Variants in BTN2A2 observed in about 807,000 individuals in gnomAD.
The protein encoded by BTN2A2 is butyrophilin subfamily 2 member A2.
In BTN2A2, 29 loss-of-function variants were observed where a neutral mutation model predicts 34.7. The observed-to-expected ratio is 0.84, with a 90% CI of 0.62 to 1.14. The LOEUF is 1.14. Ranked by LOEUF, BTN2A2 falls within the 50% of genes most tolerant of loss-of-function variation. The pLI is 0.00. For missense variants in BTN2A2, 612 were observed against 651.5 expected (o/e 0.94, Z 0.66); for synonymous variants, 240 against 253.1 (o/e 0.95, Z 0.49).
intron 3 of BTN2A2, among the ~76,000 whole-genome samples, chr6:26,387,700 A>C (rs1761296358): frequency 6.6e-6 from 1 of 152,180 alleles, no homozygotes; most frequent in South Asian, 2.1e-4. Context: ...AGAAAGTGAA[A>C]TTCTCAACCT....
At chr6:26,388,834 G>A (rs1227798445) in intron 4 of BTN2A2, among the ~76,000 whole-genome samples, 3 of 152,186 alleles carry the variant, frequency 2.0e-5, no homozygotes, top group Non-Finnish European at 2.9e-5. Flanking sequence ...TCTAGAGAGA[G>A]ACAGCGGCCG....
intron 3 of BTN2A2, 151 bp downstream of exon 3, chr6:26,385,513 C>A: frequency 1.4e-6 from 1 of 701,944 alleles, no homozygotes; most frequent in Non-Finnish European, 2.3e-6. Context: ...ACAAAGGCCA[C>A]ATGAGTGGGT....
chr6:26,386,392 G>A (rs1023916523), intron 3 of BTN2A2, among the ~76,000 whole-genome samples: 1 of 152,222 alleles, frequency 6.6e-6, no homozygotes, highest in East Asian at 1.9e-4. Context: ...ATAATTCGTG[G>A]TGACATTTCA....
In BTN2A2 at chr6:26,383,117, T is replaced by C. The variant is rs1262482916; in HGVS notation, c.-95T>C. 1 of 152,356 alleles carries C rather than the reference T, an allele frequency of 6.6e-6. No individual in the cohort carries two copies. Among genetic ancestry groups the C allele is most frequent in the Non-Finnish European group, 1.5e-5 (1 of 68,172 alleles). 9.4% of individuals were successfully genotyped at this position (152,356 alleles called of 1,614,324 possible). A position where few individuals can be genotyped will look rare whatever the true frequency, so the allele number is the denominator to read the frequency against. ...GCTCAGTGGAAATCTTGGGACTTTT[T>C]GGACACCCAGAGAACAGGTCCCAGA... is the stretch of plus-strand genomic sequence containing the variant. On this transcript the variant is annotated 5_prime_UTR_variant, in exon 1 of 8. Transcript: ENST00000356709. The surrounding 1 kb of genome is among the most constrained non-coding windows in gnomAD (Gnocchi z 4.4).
In BTN2A2 at chr6:26,393,692, G is replaced by A. The variant is rs1761739348; in HGVS notation, c.*725G>A. 1.8e-5 allele frequency: 18 copies of A among 990,896 alleles called. No homozygotes were observed. Among genetic ancestry groups the A allele is most frequent in the African/African-American group, 1.7e-4 (10 of 57,368 alleles). The allele number at this position is 990,896 out of a possible 1,614,324, so 61.4% of individuals were successfully genotyped here. The stretch of plus-strand genomic sequence containing the variant: ...AGTGTGGTTGAGGTTTGAGGTCCTG[G>A]TCGAGCAGGGCAGTACTGGACCAGG... On this transcript the variant is annotated 3_prime_UTR_variant, in exon 8 of 8. Transcript: ENST00000356709.
rs1355140106 is a variant in BTN2A2 at position 26,390,165 on chromosome 6, T to G, written c.885T>G (p.Ile295Met). ...CIKKLQREKK[I>M]LSGEKKVEQE... ...AGAAACTTCAAAGGGAAAAAAAGAT[T>G]CTGTCAGGGGAAAAGAAAGTTGAAC... is the stretch of plus-strand genomic sequence containing the variant. The change falls in exon 5 of 8, where the codon ATT becomes ATG. Residue 295 changes from isoleucine to methionine, a missense_variant. Transcript: ENST00000356709. 2 of 1,613,984 alleles carry G rather than the reference T, an allele frequency of 1.2e-6. No individual in the cohort carries two copies. The highest frequency in any genetic ancestry group is 1.7e-6 in the Non-Finnish European group (2 of 1,180,024).
intron 3 of BTN2A2, among the ~76,000 whole-genome samples, chr6:26,386,075 T>C (rs1761185056): frequency 6.6e-6 from 1 of 152,214 alleles, no homozygotes; most frequent in African/African-American, 2.4e-5. Flanking sequence ...AATATTAATC[T>C]TGACATTTTC....
chr6:26,388,758 A>G (rs777935124), intron 4 of BTN2A2, among the ~76,000 whole-genome samples: 1 of 152,236 alleles, frequency 6.6e-6, no homozygotes, highest in Non-Finnish European at 1.5e-5. Context: ...TTAAGACTGT[A>G]CAGGAAACCA....
chr6:26,389,972 A>G, intron 4 of BTN2A2, 33 bp from the exon 5 acceptor site: 1 of 1,605,162 alleles, frequency 6.2e-7, no homozygotes, highest in Non-Finnish European at 8.5e-7. Context: ...GTTCTATTTC[A>G]AACTAAATGG....
Position 26,388,302 on chromosome 6 carries a change from C to A in BTN2A2, c.724+8C>A, listed in dbSNP as rs777485258. The A allele has an allele frequency of 3.1e-6, 5 of 1,613,622 alleles. No homozygotes were observed. The highest frequency in any genetic ancestry group is 3.4e-6 in the Non-Finnish European group (4 of 1,179,644). On this transcript the variant is annotated splice_region_variant and intron_variant, in intron 4 of 7. Transcript: ENST00000356709. ...CTGTCATTTTTATTCCAGGTTAGTT[C>A]TCTGCCCTCTGAGACCTATCAAGTG...
At position 26,392,658 on chromosome 6, in the gene BTN2A2, G is replaced by T; in HGVS notation, c.1263G>T (p.Glu421Asp). The T allele has an allele frequency of 6.2e-7, 1 of 1,614,224 alleles. No individual in the cohort carries two copies. Residue 421 changes from glutamate to aspartate, a missense_variant, in exon 8 of 8, where the codon GAG (glutamate) becomes GAT (aspartate). Coordinates refer to ENST00000356709, the MANE Select transcript of BTN2A2 (RefSeq NM_006995.5). ...LIPQNGFWTL[E>D]MFGNQYRALS... ...CTCAGAATGGCTTCTGGACCCTGGA[G>T]ATGTTTGGAAACCAATACCGGGCCC... is the stretch of plus-strand genomic sequence containing the variant.
rs62617839 is a variant in BTN2A2 at position 26,388,177 on chromosome 6, G to C, written c.607G>C (p.Gly203Arg). ...GGAGGTTTCCATCGCTGATGCTGAC[G>C]GCCTCTTCATGGTCACCACAGCTGT... is the stretch of plus-strand genomic sequence containing the variant. ...LKEVSIADAD[G>R]LFMVTTAVII... The change falls in exon 4 of 8, where the codon GGC (glycine) becomes CGC (arginine). Residue 203 changes from glycine (G) to arginine (R), a missense_variant. Gly to Arg is a moderately radical substitution (Grantham distance 125). Transcript: ENST00000356709. The C allele has an allele frequency of 1.2e-6, 2 of 1,614,116 alleles. No homozygotes were observed. The highest frequency in any genetic ancestry group is 2.2e-5 in the South Asian group (2 of 91,068).
chr6:26,389,917 T>C, intron 4 of BTN2A2, 88 bp from the exon 5 acceptor site: 1 of 1,273,870 alleles, frequency 7.9e-7, no homozygotes, highest in South Asian at 1.4e-5. Context: ...AACAGGTGGC[T>C]GAGGAGCTCT....
rs372327483 is a variant in BTN2A2 at position 26,383,350 on chromosome 6, G to C, written c.-31+169G>C. 1.4e-4 allele frequency: 24 copies of C among 171,018 alleles called. No homozygotes were observed. In the East Asian group the frequency reaches 3.1e-3, roughly 22 times the overall value. 10.6% of individuals were successfully genotyped at this position (171,018 alleles called of 1,614,324 possible). On this transcript the variant is annotated intron_variant, in intron 1 of 7. Transcript: ENST00000356709. The surrounding 1 kb of genome is among the most constrained non-coding windows in gnomAD (Gnocchi z 4.4). ...AGAGGAGGCGCTACAGCTCCGGGGTGGGGGCGGTAGCTGGGGGCGGTAGGT... is the reference window on the plus strand; with the variant it reads ...AGAGGAGGCGCTACAGCTCCGGGGTCGGGGCGGTAGCTGGGGGCGGTAGGT...
chr6:26,385,339 C>T lies in BTN2A2; in HGVS notation c.419C>T (p.Ala140Val). The change falls in exon 3 of 8, where the codon GCC becomes GTC. Residue 140 changes from alanine to valine, a missense_variant. Transcript: ENST00000356709. ...YFQEGRSYDE[A>V]ILRLVVAGLG... The stretch of plus-strand genomic sequence containing the variant: ...CAAGAAGGCAGGTCCTACGATGAGG[C>T]CATCCTACGCCTCGTGGTGGCAGGT... 6.2e-7 allele frequency: 1 copy of T among 1,613,032 alleles called. No homozygotes were observed. Among genetic ancestry groups the T allele is most frequent in the Non-Finnish European group, 8.5e-7 (1 of 1,179,104 alleles).
intron 4 of BTN2A2, among the ~76,000 whole-genome samples, chr6:26,388,845 G>T (rs530407206): frequency 2.7e-4 from 41 of 152,190 alleles, no homozygotes; most frequent in African/African-American, 9.9e-4. Context: ...ACAGCGGCCG[G>T]GCACGGTGGC....
In BTN2A2 at chr6:26,390,110, T is replaced by A; in HGVS notation, c.830T>A (p.Ile277Asn). The stretch of plus-strand genomic sequence containing the variant: ...ACTGTCATCCTGGCTGTTTTCATCA[T>A]CTTCATGGCTGTCAGCATCTGTTGC... ...SMTVILAVFI[I>N]FMAVSICCIK... Residue 277 changes from isoleucine to asparagine, a missense_variant, in exon 5 of 8, where the codon ATC becomes AAC. By Grantham distance (149) the Ile-to-Asn change is moderately radical (BLOSUM62 -3). Transcript: ENST00000356709. 4.3e-6 allele frequency: 7 copies of A among 1,614,170 alleles called. No homozygotes were observed. The highest frequency in any genetic ancestry group is 5.1e-6 in the Non-Finnish European group (6 of 1,180,026).
In BTN2A2 at chr6:26,388,093, T is replaced by A; in HGVS notation, c.523T>A (p.Tyr175Asn). The change falls in exon 4 of 8, where the codon TAC (tyrosine) becomes AAC (asparagine). Residue 175 changes from tyrosine to asparagine, a missense_variant. Tyr to Asn is a moderately radical substitution (Grantham distance 143, BLOSUM62 -2). Transcript: ENST00000356709. ...GCTGGAGTGCATATCTGGAGGGTGGTACCCAGAGCCCCTCACAGTGTGGAG... is the reference window on the plus strand; with the variant it reads ...GCTGGAGTGCATATCTGGAGGGTGGAACCCAGAGCCCCTCACAGTGTGGAG... ...IWLECISGGW[Y>N]PEPLTVWRDP... 6.2e-7 allele frequency: 1 copy of A among 1,614,032 alleles called. No individual in the cohort carries two copies. The highest frequency in any genetic ancestry group is 8.5e-7 in the Non-Finnish European group (1 of 1,179,972).
At position 26,392,447 on chromosome 6, in the gene BTN2A2, G is replaced by A. The variant is rs748274583; in HGVS notation, c.1052G>A (p.Arg351Gln). 27 of 1,614,104 alleles carry A rather than the reference G, an allele frequency of 1.7e-5. No individual in the cohort carries two copies. In the Admixed American group the frequency reaches 2.0e-4, roughly 12 times the overall value. ...TCAGAGGACCGGAGAAGTGTGAGGC[G>A]GGGCCCCTACAGGCAGAGAGTGCCT... ...FLSEDRRSVR[R>Q]GPYRQRVPDN... The change falls in exon 8 of 8, where the codon CGG (arginine) becomes CAG (glutamine). Residue 351 changes from arginine (R) to glutamine (Q), a missense_variant. Coordinates refer to ENST00000356709, the MANE Select transcript of BTN2A2 (RefSeq NM_006995.5).
Sources: gnomAD v4.1 joint callset for allele counts (sites outside exome capture counted in the v4.1 genomes callset) on GRCh38, gnomAD v4.1.1 for gene constraint, Gnocchi (gnomAD v3.1) non-coding constraint, MANE v1.5 for transcripts, NCBI Gene and HGNC (gene_info 2026-07-23, HGNC 2026-07-21) for gene names.